ELP5: variants seen among roughly 807,000 people sequenced by gnomAD.
ELP5 encodes the protein elongator acetyltransferase complex subunit 5.
ELP5 carries 34 observed loss-of-function variants against 33.4 expected under a neutral mutation model. That is an observed-to-expected ratio of 1.02 (90% CI 0.78 to 1.36). The LOEUF (loss-of-function observed/expected upper bound fraction) is 1.36. ELP5 is among the 40% of genes most tolerant of loss of function. The pLI is 0.00. For synonymous variants in ELP5, 161 were observed against 146.4 expected (o/e 1.10, Z -0.72); for missense variants, 373 against 371.7 (o/e 1.00, Z -0.03).
intron 1 of ELP5, 39 bp downstream of exon 1, chr17:7,252,635 GT>G: frequency 2.5e-6 from 4 of 1,604,564 alleles, no homozygotes; most frequent in Non-Finnish European, 3.4e-6. Context: ...GGGGGGTGCG[GT>G]TCGGGCCTGG....
chr17:7,254,677 T>C lies in ELP5; in HGVS notation c.283T>C (p.Cys95Arg), dbSNP rs1260842543. The change falls in exon 4 of 8, where the codon TGC becomes CGC. Residue 95 changes from cysteine to arginine, a missense_variant. Transcript: ENST00000396628. ...GCCGCTGGGAGCCTTGAGAGCCATG[T>C]GCAAGAGGACAGATCCTGTTCCTGT... ...GGPLGALRAM[C>R]KRTDPVPVTI... 3 of 1,614,066 alleles carry C rather than the reference T, an allele frequency of 1.9e-6. No homozygotes were observed. The highest frequency in any genetic ancestry group is 2.5e-6 in the Non-Finnish European group (3 of 1,180,048).
intron 6 of ELP5, 59 bp from the exon 7 acceptor site, chr17:7,258,767 G>T (rs1216893480): frequency 5.0e-6 from 8 of 1,614,042 alleles, no homozygotes; most frequent in Non-Finnish European, 5.9e-6. Flanking sequence ...GCAGAGGTTG[G>T]GGGTGGGGTC....
intron 3 of ELP5, among the ~76,000 whole-genome samples, chr17:7,253,986 ACT>A (rs1248286215): frequency 2.0e-5 from 3 of 147,434 alleles, no homozygotes; most frequent in African/African-American, 5.1e-5. Flanking sequence ...AACGAGCGAA[ACT>A]CTGTCTCAAA....
At chr17:7,259,504 C>T in intron 7 of ELP5, 67 bp from the exon 8 acceptor site, 1 of 1,598,160 alleles carries the variant, frequency 6.3e-7, no homozygotes, top group Admixed American at 1.7e-5. Context: ...GTCACAGTCA[C>T]CTGGAAGAAA....
chr17:7,255,292 G>A (rs955051005), intron 4 of ELP5, among the ~76,000 whole-genome samples: 15 of 151,784 alleles, frequency 9.9e-5, no homozygotes, highest in African/African-American at 2.2e-4. Context: ...TTGGGAGGCC[G>A]AGGTGGGTAG....
intron 4 of ELP5, 112 bp from the exon 5 acceptor site, chr17:7,256,745 G>A: frequency 8.9e-7 from 1 of 1,119,284 alleles, no homozygotes; most frequent in Non-Finnish European, 1.3e-6. Context: ...AGGGACGTCA[G>A]GATTTTGGCA....
chr17:7,257,433 T>G (rs1597585590), intron 5 of ELP5, among the ~76,000 whole-genome samples: 2 of 19,636 alleles, frequency 1.0e-4, no homozygotes, highest in African/African-American at 8.3e-4. Flanking sequence ...CCCTTGGAGT[T>G]TTTTTTTTTT....
At chr17:7,252,120 C>G (rs1008461709), upstream of ELP5, 4 of 337,650 alleles carry the variant, frequency 1.2e-5, no homozygotes, top group African/African-American at 6.6e-5. Context: ...CCAAGCGAGG[C>G]TGCAGTATTG....
At chr17:7,259,541 C>T in intron 7 of ELP5, 30 bp from the exon 8 acceptor site, 2 of 1,613,586 alleles carry the variant, frequency 1.2e-6, no homozygotes, top group African/African-American at 2.7e-5. Context: ...TGTTAGCTAC[C>T]CTCACCAGCA....
rs559652788 is a variant in ELP5 at position 7,253,009 on chromosome 17, G to A, written c.188+11G>A. ...TGATATCAACAATCGGTAAGTACCA[G>A]TTGGAAGAGATTTGATTAAATTTGA... On this transcript the variant is annotated intron_variant, in intron 3 of 7. Transcript: ENST00000396628. The A allele has an allele frequency of 9.9e-5, 159 of 1,613,800 alleles. No homozygotes were observed. In the South Asian group the frequency reaches 1.6e-3, roughly 16 times the overall value.
intron 5 of ELP5, 122 bp downstream of exon 5, chr17:7,257,160 G>C: frequency 9.1e-7 from 1 of 1,093,498 alleles, no homozygotes. Flanking sequence ...TTTTAGAGAT[G>C]GGGTTTCACT....
rs1203341471 is a variant in ELP5 at position 7,254,672 on chromosome 17, C to T, written c.278C>T (p.Ala93Val). The T allele has an allele frequency of 9.3e-6, 15 of 1,614,034 alleles. No individual in the cohort carries two copies. The highest frequency in any genetic ancestry group is 1.3e-5 in the Non-Finnish European group (15 of 1,180,032). ...GGGGGGCCGCTGGGAGCCTTGAGAG[C>T]CATGTGCAAGAGGACAGATCCTGTT... ...FPGGPLGALR[A>V]MCKRTDPVPV... The change falls in exon 4 of 8, where the codon GCC becomes GTC. Residue 93 changes from alanine to valine, a missense_variant. Ala to Val is a moderately conservative substitution (Grantham distance 64, BLOSUM62 0). Coordinates refer to ENST00000396628, the MANE Select transcript of ELP5 (RefSeq NM_203414.3).
upstream of ELP5, chr17:7,252,181 C>T (rs2142999778): frequency 2.7e-6 from 1 of 376,314 alleles, no homozygotes. Context: ...AAGCAGGCCC[C>T]GCCTCAAACT....
intron 4 of ELP5, 89 bp from the exon 5 acceptor site, chr17:7,256,768 A>C: frequency 7.2e-7 from 1 of 1,381,290 alleles, no homozygotes; most frequent in Non-Finnish European, 1.0e-6. Context: ...ACTGTGATGG[A>C]ATTGTGAGGC....
chr17:7,258,462 A>G (rs2072128024), intron 5 of ELP5, 126 bp from the exon 6 acceptor site: 1 of 928,748 alleles, frequency 1.1e-6, no homozygotes, highest in East Asian at 2.4e-5. Context: ...AAAAAAAAAA[A>G]AAGTTGAGGG....
chr17:7,252,128 T>C (rs1255762918), upstream of ELP5: 4 of 346,358 alleles, frequency 1.2e-5, no homozygotes, highest in Non-Finnish European at 2.2e-5. Context: ...GGCTGCAGTA[T>C]TGCGCACGCG....
At chr17:7,253,190 A>G (rs1266661597) in intron 3 of ELP5, among the ~76,000 whole-genome samples, 192 bp downstream of exon 3, 2 of 152,166 alleles carry the variant, frequency 1.3e-5, no homozygotes, top group Non-Finnish European at 2.9e-5. Flanking sequence ...CAAAGCAAAG[A>G]TCATAGAAGT....
Position 7,252,330 on chromosome 17 carries a change from CGTT to C in ELP5, c.-218_-216del, listed in dbSNP as rs1245448939. On this transcript the variant is annotated 5_prime_UTR_variant, in exon 1 of 8. Coordinates refer to ENST00000396628, the MANE Select transcript of ELP5 (RefSeq NM_203414.3). ...GTCACAGTGAAAATGTAGACGGGGT[CGTT>C]GTCCGTACGACTGTGCGCCAGGGCT... The C allele has an allele frequency of 3.2e-5, 21 of 647,348 alleles. No homozygotes were observed. Among genetic ancestry groups the C allele is most frequent in the East Asian group, 2.5e-4 (9 of 35,856 alleles). 40.1% of individuals were successfully genotyped at this position (647,348 alleles called of 1,614,324 possible).
At chr17:7,254,942 T>C (rs1235568642) in intron 4 of ELP5, 139 bp downstream of exon 4, 1 of 527,088 alleles carries the variant, frequency 1.9e-6, no homozygotes, top group Non-Finnish European at 3.2e-6. Flanking sequence ...TTTGTCTGTT[T>C]TTTTTTTTTT....
Sources: allele counts gnomAD v4.1 joint callset (sites outside exome capture counted in the v4.1 genomes callset), GRCh38; gene constraint gnomAD v4.1.1; transcripts MANE v1.5; gene names NCBI Gene and HGNC (gene_info 2026-07-23, HGNC 2026-07-21).